HAGH: variants seen among roughly 807,000 people sequenced by gnomAD.
HAGH encodes the protein hydroxyacylglutathione hydrolase.
HAGH carries 29 observed loss-of-function variants against 35.1 expected under a neutral mutation model. The observed-to-expected ratio is 0.83, with a 90% CI of 0.62 to 1.13. The LOEUF (loss-of-function observed/expected upper bound fraction) is 1.13. Among genes scored for constraint, HAGH ranks in the 50% most tolerant of loss-of-function variants. The pLI is 0.00. For missense variants in HAGH, 478 were observed against 419.6 expected (o/e 1.14, Z -1.22); for synonymous variants, 225 against 176.1 (o/e 1.28, Z -2.20).
chr16:1,820,326 C>G (rs934556279), intron 3 of HAGH, among the ~76,000 whole-genome samples: 1 of 151,446 alleles, frequency 6.6e-6, no homozygotes, highest in Non-Finnish European at 1.5e-5. Flanking sequence ...ATTTCTTGTC[C>G]TGGTGCAGTG....
intron 1 of HAGH, among the ~76,000 whole-genome samples, chr16:1,825,901 T>C (rs3760031): frequency 0.05 from 7,603 of 152,282 alleles, 254 homozygotes; most frequent in East Asian, 0.12. Flanking sequence ...CACAGCATCT[T>C]GCTTCCCTTG....
At chr16:1,816,487 T>G (rs952729498) in intron 7 of HAGH, among the ~76,000 whole-genome samples, 2 of 152,174 alleles carry the variant, frequency 1.3e-5, no homozygotes, top group Admixed American at 1.3e-4. Context: ...AACCCCGTCC[T>G]GCTCCTGGCA....
intron 7 of HAGH, among the ~76,000 whole-genome samples, chr16:1,812,155 A>ACTC (rs1349340273): frequency 1.1e-4 from 16 of 140,594 alleles, no homozygotes; most frequent in Non-Finnish European, 1.9e-4. Context: ...GTGCCACTGC[A>ACTC]CTCCAGCCTG....
intron 2 of HAGH, 78 bp from the exon 3 acceptor site, chr16:1,822,442 A>G: frequency 8.3e-6 from 9 of 1,083,640 alleles, no homozygotes; most frequent in South Asian, 5.0e-5. Context: ...TAGGGTGCCC[A>G]GCAGAACCCA....
At chr16:1,810,523 C>G (rs959438611) in intron 7 of HAGH, 1 of 152,372 alleles carries the variant, frequency 6.6e-6, no homozygotes, top group African/African-American at 2.4e-5. Flanking sequence ...CACCTCCTCT[C>G]GAGATGGAGA....
chr16:1,826,862 C>T, upstream of HAGH: 2 of 928,430 alleles, frequency 2.2e-6, no homozygotes, highest in East Asian at 3.3e-5. Context: ...AGCCAATCAG[C>T]GCCCGCCTCG....
At chr16:1,819,761 C>A (rs1898060774) in intron 4 of HAGH, 136 bp downstream of exon 4, 3 of 685,940 alleles carry the variant, frequency 4.4e-6, no homozygotes, top group Non-Finnish European at 5.3e-6. Flanking sequence ...GAAGACCATC[C>A]ACGCTGCCAC....
chr16:1,825,476 C>T (rs1898358994), intron 1 of HAGH, among the ~76,000 whole-genome samples: 1 of 152,202 alleles, frequency 6.6e-6, no homozygotes, highest in Admixed American at 6.5e-5. Flanking sequence ...CAAATGTTCC[C>T]GGCTTGCTGT....
chr16:1,826,953 C>G (rs1169706848), upstream of HAGH: 5 of 621,018 alleles, frequency 8.1e-6, no homozygotes, highest in East Asian at 9.3e-5. Context: ...GTTTTGTCCG[C>G]GAGCCCCGAC....
chr16:1,820,071 AGCTGAGGGGGCTGCCTGCTG>A, intron 3 of HAGH, 57 bp from the exon 4 acceptor site: 1 of 925,338 alleles, frequency 1.1e-6, no homozygotes, highest in Non-Finnish European at 1.8e-6. Flanking sequence ...CTGCCTGCTG[AGCTGAGGGGGCTGCCTGCTG>A]AGCTGAGGGG....
At position 1,808,124 on chromosome 16, in the gene HAGH, C is replaced by G. The variant is rs552043543; in HGVS notation, c.*1159G>C. On this transcript the variant is annotated 3_prime_UTR_variant, in exon 9 of 9. Coordinates refer to ENST00000397356, the MANE Select transcript of HAGH (RefSeq NM_005326.6). ...ACTCAACTGCATGATTAATTAATTT[C>G]TTTGAGACAGGGTCTCCCTGTTCCC... 3.3e-5 allele frequency: 5 copies of G among 152,232 alleles called. No homozygotes were observed. The East Asian group carries it at 9.7e-4, about 29-fold the overall frequency. The allele number at this position is 152,232 out of a possible 1,614,324, so 9.4% of individuals were successfully genotyped here. A position where few individuals can be genotyped will look rare whatever the true frequency, so the allele number is the denominator to read the frequency against.
In HAGH at chr16:1,816,873, G is replaced by T; in HGVS notation, c.747+20C>A. The T allele has an allele frequency of 1.3e-6, 2 of 1,514,700 alleles. No homozygotes were observed. Among genetic ancestry groups the T allele is most frequent in the Non-Finnish European group, 1.8e-6 (2 of 1,090,758 alleles). The allele number at this position is 1,514,700 out of a possible 1,614,324, so 93.8% of individuals were successfully genotyped here. On this transcript the variant is annotated intron_variant, in intron 7 of 8. Coordinates refer to ENST00000397356, the MANE Select transcript of HAGH (RefSeq NM_005326.6). ...TGAGCAGCCCACAGGAAGGCACTGCGCAGTGACGGCCCCACTCACCTTGGC... is the reference window on the plus strand; with the variant it reads ...TGAGCAGCCCACAGGAAGGCACTGCTCAGTGACGGCCCCACTCACCTTGGC...
At chr16:1,822,789 G>A (rs894920747) in intron 2 of HAGH, 76 bp downstream of exon 2, 4 of 1,286,142 alleles carry the variant, frequency 3.1e-6, no homozygotes, top group African/African-American at 2.9e-5. Context: ...GGACACTGCG[G>A]TTAGGAAACC....
intron 7 of HAGH, among the ~76,000 whole-genome samples, chr16:1,815,891 C>T (rs879688217): frequency 6.7e-6 from 1 of 148,550 alleles, no homozygotes; most frequent in Non-Finnish European, 1.5e-5. Flanking sequence ...TGTTGGCTGG[C>T]GCCTGTAATC....
At chr16:1,826,593 C>A in intron 1 of HAGH, 119 bp downstream of exon 1, 1 of 982,266 alleles carries the variant, frequency 1.0e-6, no homozygotes, top group Non-Finnish European at 1.2e-6. Flanking sequence ...GGCAGCGCGG[C>A]CTTAGGCACC....
intron 7 of HAGH, chr16:1,810,080 G>T (rs1657108): frequency 0.74 from 390,360 of 525,840 alleles, 145,531 homozygotes; most frequent in Middle Eastern, 0.8. Flanking sequence ...TGGGAGGATC[G>T]CTTGAGCACA....
chr16:1,822,383 A>G lies in HAGH; in HGVS notation c.250-19T>C. 6.3e-7 allele frequency: 1 copy of G among 1,591,656 alleles called. No individual in the cohort carries two copies. The highest frequency in any genetic ancestry group is 8.6e-7 in the Non-Finnish European group (1 of 1,162,582). The stretch of plus-strand genomic sequence containing the variant: ...CCACGACCTGCAGTGGCCCCGGGGA[A>G]GGACAAAGGCCTGTCACACTCCTAG... On this transcript the variant is annotated intron_variant, in intron 2 of 8. Transcript: ENST00000397356.
intron 7 of HAGH, among the ~76,000 whole-genome samples, chr16:1,812,139 G>A (rs1302975371): frequency 6.1e-5 from 9 of 146,770 alleles, no homozygotes; most frequent in Middle Eastern, 4.1e-3. Context: ...GCAGTGAGCC[G>A]AGATTGTGCC....
rs762978742 is a variant in HAGH at position 1,809,234 on chromosome 16, T to C, written c.*49A>G. 1 of 1,270,726 alleles carries C rather than the reference T, an allele frequency of 7.9e-7. No individual in the cohort carries two copies. Among genetic ancestry groups the C allele is most frequent in the South Asian group, 1.3e-5 (1 of 77,394 alleles). The allele number at this position is 1,270,726 out of a possible 1,614,324, so 78.7% of individuals were successfully genotyped here. A position where few individuals can be genotyped will look rare whatever the true frequency, so the allele number is the denominator to read the frequency against. On this transcript the variant is annotated 3_prime_UTR_variant, in exon 9 of 9. Coordinates refer to ENST00000397356, the MANE Select transcript of HAGH (RefSeq NM_005326.6). ...CCGCACGGACCAGCAGGAAAGCCAG[T>C]TACCTAAAAGAGCCTAATCCCCAAA...
Sources: gnomAD v4.1 joint callset for allele counts (sites outside exome capture counted in the v4.1 genomes callset) on GRCh38, gnomAD v4.1.1 for gene constraint, MANE v1.5 for transcripts, NCBI Gene and HGNC (gene_info 2026-07-23, HGNC 2026-07-21) for gene names.